CCDC178: variants seen among roughly 807,000 people sequenced by gnomAD.
CCDC178 encodes the protein coiled-coil domain-containing protein 178.
Under a neutral mutation model 117.4 loss-of-function variants are expected in CCDC178, and 126 were observed. That is an observed-to-expected ratio of 1.07 (90% CI 0.93 to 1.24). CCDC178 has a LOEUF of 1.24. Ranked by LOEUF, CCDC178 falls within the 50% of genes most tolerant of loss-of-function variation. CCDC178 has a pLI of 0.00. For missense variants in CCDC178, 1,030 were observed against 986.9 expected, an observed-to-expected ratio of 1.04 and a Z score of -0.59; for synonymous variants, 283 against 313.4, an observed-to-expected ratio of 0.90 and a Z score of 1.02.
At chr18:32,955,874 A>G (rs780443289) in intron 22 of CCDC178, among the ~76,000 whole-genome samples, 25 of 152,170 alleles carry the variant, frequency 1.6e-4, no homozygotes, top group Non-Finnish European at 3.2e-4. Flanking sequence ...AACAGGTACT[A>G]CTTAACTGCA....
At chr18:33,088,842 A>C (rs2057421423) in intron 21 of CCDC178, among the ~76,000 whole-genome samples, 1 of 152,150 alleles carries the variant, frequency 6.6e-6, no homozygotes, top group Admixed American at 6.5e-5. Context: ...TGGAAAGAAC[A>C]TTTGAACATG....
At chr18:32,958,758 CTT>C (rs2054644583) in intron 22 of CCDC178, among the ~76,000 whole-genome samples, 1 of 152,284 alleles carries the variant, frequency 6.6e-6, no homozygotes, top group African/African-American at 2.4e-5. Flanking sequence ...CAGCCTGAGA[CTT>C]TAATTCTGCA....
chr18:33,189,021 T>C (rs1160205947), intron 20 of CCDC178, among the ~76,000 whole-genome samples: 5 of 152,134 alleles, frequency 3.3e-5, no homozygotes, highest in Non-Finnish European at 7.4e-5. Context: ...AATGTGATAG[T>C]CTACTAGCCT....
At chr18:33,370,221 T>C (rs754126472) in intron 5 of CCDC178, 32 bp from the exon 6 acceptor site, 22 of 1,516,406 alleles carry the variant, frequency 1.5e-5, no homozygotes, top group Admixed American at 4.5e-5. Context: ...TCATTACTCA[T>C]TCTATACAAA....
chr18:33,186,908 T>C lies in CCDC178; in HGVS notation c.2238+24988A>G, dbSNP rs191045695. On this transcript the variant is annotated intron_variant, in intron 20 of 22. Transcript: ENST00000383096. ...CAGAGAGAGCAGTTGAAAGAGGTTG[T>C]GATGGACAGACAGACATGCTGTACT... Among the ~76,000 whole-genome samples, 52 of 152,172 alleles carry C rather than the reference T, an allele frequency of 3.4e-4. 2 individuals carry two copies. The East Asian group carries it at 8.9e-3, about 26-fold the overall frequency.
intron 20 of CCDC178, among the ~76,000 whole-genome samples, chr18:33,107,593 G>T (rs898061367): frequency 6.6e-6 from 1 of 151,628 alleles, no homozygotes; most frequent in Non-Finnish European, 1.5e-5. Context: ...TTGTGCAACT[G>T]CCCATAATCT....
intron 12 of CCDC178, among the ~76,000 whole-genome samples, chr18:33,285,813 T>C (rs541140931): frequency 5.3e-5 from 8 of 152,144 alleles, no homozygotes; most frequent in Non-Finnish European, 1.2e-4. Context: ...GTCATTAGTA[T>C]ATATTTGAAA....
chr18:33,425,482 C>T (rs1599306402), intron 2 of CCDC178, among the ~76,000 whole-genome samples: 1 of 152,054 alleles, frequency 6.6e-6, no homozygotes, highest in Non-Finnish European at 1.5e-5. Context: ...TTGACTTTTC[C>T]GTGTTTCAGA....
chr18:33,130,499 A>G (rs1210734908), intron 20 of CCDC178, among the ~76,000 whole-genome samples: 1 of 152,000 alleles, frequency 6.6e-6, no homozygotes, highest in Non-Finnish European at 1.5e-5. Flanking sequence ...AGCCTCAGAG[A>G]GATAAAATAA....
intron 4 of CCDC178, among the ~76,000 whole-genome samples, chr18:33,395,652 C>A (rs942278156): frequency 6.6e-6 from 1 of 152,078 alleles, no homozygotes; most frequent in Non-Finnish European, 1.5e-5. Flanking sequence ...TGTGCCATAT[C>A]GGTACAGTGC....
chr18:33,402,380 C>T (rs934614747), intron 3 of CCDC178, among the ~76,000 whole-genome samples: 1 of 152,276 alleles, frequency 6.6e-6, no homozygotes, highest in South Asian at 2.1e-4. Context: ...TTCCTTGGTC[C>T]CAGCCCTGAC....
chr18:33,162,419 A>G (rs1327041048), intron 20 of CCDC178, among the ~76,000 whole-genome samples: 6 of 152,192 alleles, frequency 3.9e-5, no homozygotes, highest in African/African-American at 1.2e-4. Context: ...ACATAATTTT[A>G]TGTTTTTATT....
intron 21 of CCDC178, among the ~76,000 whole-genome samples, chr18:33,043,427 C>T (rs1483868758): frequency 6.6e-6 from 1 of 151,954 alleles, no homozygotes; most frequent in African/African-American, 2.4e-5. Flanking sequence ...TTTGGCTTTA[C>T]CACTGACTAG....
chr18:33,306,985 G>T (rs1055069968), intron 11 of CCDC178, among the ~76,000 whole-genome samples: 6 of 152,112 alleles, frequency 3.9e-5, no homozygotes, highest in African/African-American at 7.2e-5. Context: ...ATGATTGTAA[G>T]TTTCCTGAGG....
intron 21 of CCDC178, among the ~76,000 whole-genome samples, chr18:33,001,973 G>A (rs995530678): frequency 4.6e-5 from 7 of 152,126 alleles, no homozygotes; most frequent in Admixed American, 4.6e-4. Context: ...AATTAAGCAA[G>A]AGAATATAAT....
intron 11 of CCDC178, among the ~76,000 whole-genome samples, chr18:33,300,366 G>T (rs1019191941): frequency 2.6e-5 from 4 of 152,146 alleles, no homozygotes; most frequent in Non-Finnish European, 4.4e-5. Context: ...AAATAAAATT[G>T]GTACCAAGGA....
At chr18:33,213,630 TTAA>T (rs1267389057) in intron 19 of CCDC178, among the ~76,000 whole-genome samples, 2 of 151,802 alleles carry the variant, frequency 1.3e-5, no homozygotes, top group Admixed American at 1.3e-4. Context: ...TAGCATTGTA[TTAA>T]TATCTACACA....
At chr18:33,363,006 A>T (rs1385096549) in intron 6 of CCDC178, among the ~76,000 whole-genome samples, 2 of 151,998 alleles carry the variant, frequency 1.3e-5, no homozygotes, top group Non-Finnish European at 2.9e-5. Flanking sequence ...CATTAATTAC[A>T]GCAAAGATAC....
At position 33,011,767 on chromosome 18, in the gene CCDC178, C is replaced by CAAAAAAAAAA. The variant is rs71177899; in HGVS notation, c.2389-37096_2389-37087dup. ...ACGTGGCAAATGATTGAGCAGAATGCAAAAAAAAAAAAAAAAAAAAAAAAA... is the reference window on the plus strand; with the variant it reads ...ACGTGGCAAATGATTGAGCAGAATGCAAAAAAAAAAAAAAAAAAAAAAAAAAAAAAAAAAA... On this transcript the variant is annotated intron_variant, in intron 21 of 22. Coordinates refer to ENST00000383096, the MANE Select transcript of CCDC178 (RefSeq NM_001105528.4). Among the ~76,000 whole-genome samples, 7 of 30,014 alleles carry CAAAAAAAAAA rather than the reference C, an allele frequency of 2.3e-4. 1 individual carries two copies. Among genetic ancestry groups the CAAAAAAAAAA allele is most frequent in the East Asian group, 1.9e-3 (1 of 536 alleles). 19.7% of individuals were successfully genotyped at this position (30,014 alleles called of 152,430 possible).
Sources: gnomAD v4.1 joint callset for allele counts (sites outside exome capture counted in the v4.1 genomes callset) on GRCh38, gnomAD v4.1.1 for gene constraint, MANE v1.5 for transcripts, NCBI Gene and HGNC (gene_info 2026-07-23, HGNC 2026-07-21) for gene names.